TULP3: variants seen among roughly 807,000 people sequenced by gnomAD.
The protein encoded by TULP3 is tubby-related protein 3.
Under a neutral mutation model 50.7 loss-of-function variants are expected in TULP3, and 38 were observed. That is an observed-to-expected ratio of 0.75 (90% CI 0.58 to 0.98). The LOEUF (loss-of-function observed/expected upper bound fraction) is 0.98, where lower values mean the gene tolerates loss of function less well. Ranked by LOEUF, TULP3 falls within the 50% of genes least tolerant of loss-of-function variation. The pLI is 0.00. For missense variants in TULP3, 550 were observed against 568.0 expected (o/e 0.97, Z 0.32); for synonymous variants, 183 against 196.6 (o/e 0.93, Z 0.58).
At chr12:2,892,320 G>A (rs1190159226) in intron 1 of TULP3, among the ~76,000 whole-genome samples, 1 of 152,054 alleles carries the variant, frequency 6.6e-6, no homozygotes, top group Non-Finnish European at 1.5e-5. Context: ...AGTGGTAGAG[G>A]AGATAAAGTT....
chr12:2,940,635 A>G lies in TULP3; in HGVS notation c.*1191A>G. 1 of 1,551,680 alleles carries G rather than the reference A, an allele frequency of 6.4e-7. No individual in the cohort carries two copies. The highest frequency in any genetic ancestry group is 1.2e-5 in the South Asian group (1 of 84,056). On this transcript the variant is annotated 3_prime_UTR_variant, in exon 11 of 11. Transcript: ENST00000448120. ...ACTGTTTGCCAGCGTTGGGTGGGACACCCGTGGCGGCTGCTCCCTCAGACC... is the reference window on the plus strand; with the variant it reads ...ACTGTTTGCCAGCGTTGGGTGGGACGCCCGTGGCGGCTGCTCCCTCAGACC...
chr12:2,899,431 G>A (rs898948470), intron 1 of TULP3, among the ~76,000 whole-genome samples: 44 of 151,118 alleles, frequency 2.9e-4, no homozygotes, highest in African/African-American at 9.0e-4. Context: ...TGGCCCACAC[G>A]CTATAGTTTG....
At chr12:2,926,639 C>T (rs1382497538) in intron 4 of TULP3, among the ~76,000 whole-genome samples, 23 of 152,074 alleles carry the variant, frequency 1.5e-4, no homozygotes, top group African/African-American at 5.1e-4. Context: ...TGGTGGCTCA[C>T]GCCGGTAATT....
chr12:2,907,795 T>TA (rs929436380), intron 1 of TULP3, among the ~76,000 whole-genome samples: 12 of 152,086 alleles, frequency 7.9e-5, no homozygotes, highest in East Asian at 7.7e-4. Context: ...TGACTGCAGA[T>TA]AAAAAACATT....
chr12:2,928,748 G>C (rs1002530141), intron 4 of TULP3, among the ~76,000 whole-genome samples: 1 of 151,918 alleles, frequency 6.6e-6, no homozygotes, highest in African/African-American at 2.4e-5. Context: ...TTTGAGACCA[G>C]CCTGACCAAC....
chr12:2,922,269 T>C lies in TULP3; in HGVS notation c.261T>C (p.Asp87=), dbSNP rs144270951. The part of the protein sequence containing the change: ...PHSNVILHGI[D]GPAAVLKPDE... ...TTTTATTTTGGCCCTTAGGTATTGA[T>C]GGTCCAGCTGCTGTCCTGAAACCAG... Residue 87 remains aspartate, a synonymous_variant, in exon 4 of 11, where the codon GAT becomes GAC. Coordinates refer to ENST00000448120, the MANE Select transcript of TULP3 (RefSeq NM_003324.5). 6.2e-6 allele frequency: 10 copies of C among 1,611,312 alleles called. No homozygotes were observed. Among genetic ancestry groups the C allele is most frequent in the Middle Eastern group, 1.6e-4 (1 of 6,072 alleles).
chr12:2,893,817 A>T (rs7294657), intron 1 of TULP3, among the ~76,000 whole-genome samples: 70,163 of 147,920 alleles, frequency 0.47, 16,923 homozygotes, highest in African/African-American at 0.59. Flanking sequence ...TTTAATTTTT[A>T]TTTTTTTGTA....
Position 2,939,920 on chromosome 12 carries a change from T to G in TULP3, c.*476T>G. The G allele has an allele frequency of 7.9e-7, 1 of 1,263,840 alleles. No individual in the cohort carries two copies. The highest frequency in any genetic ancestry group is 1.0e-6 in the Non-Finnish European group (1 of 970,790). 78.3% of individuals were successfully genotyped at this position (1,263,840 alleles called of 1,614,324 possible). A position where few individuals can be genotyped will look rare whatever the true frequency, so the allele number is the denominator to read the frequency against. ...AAAGCACAGGGAGATTCTTGTCACA[T>G]TGGGGTCTCCAAAGCTAGAATGGGA... On this transcript the variant is annotated 3_prime_UTR_variant, in exon 11 of 11. Transcript: ENST00000448120. The surrounding 1 kb of genome is among the most constrained non-coding windows in gnomAD (Gnocchi z 4.0).
At chr12:2,928,562 A>T (rs2098195993) in intron 4 of TULP3, among the ~76,000 whole-genome samples, 1 of 151,918 alleles carries the variant, frequency 6.6e-6, no homozygotes, top group African/African-American at 2.4e-5. Flanking sequence ...TAAAAAGAAA[A>T]TGCTGAGGGG....
At chr12:2,918,144 C>T (rs909256075) in intron 2 of TULP3, among the ~76,000 whole-genome samples, 1 of 152,098 alleles carries the variant, frequency 6.6e-6, no homozygotes, top group East Asian at 1.9e-4. Flanking sequence ...GAGACAGTCT[C>T]GCTCTGTCGC....
rs190645764 is a variant in TULP3, at chr12:2,914,344, G to C, written c.93+4764G>C. Among the ~76,000 whole-genome samples the C allele has an allele frequency of 5.2e-3, 788 of 151,674 alleles. 5 individuals carry two copies. The highest frequency in any genetic ancestry group is 0.018 in the African/African-American group (731 of 41,342). ...TCTCCATGTTGGTTAGGCTGGTCTCGAACTCCCGACCTCAGGTGATCTGCT... is the reference window on the plus strand; with the variant it reads ...TCTCCATGTTGGTTAGGCTGGTCTCCAACTCCCGACCTCAGGTGATCTGCT... On this transcript the variant is annotated intron_variant, in intron 2 of 10. Coordinates refer to ENST00000448120, the MANE Select transcript of TULP3 (RefSeq NM_003324.5).
chr12:2,933,659 A>G, intron 7 of TULP3, 129 bp downstream of exon 7: 2 of 478,216 alleles, frequency 4.2e-6, no homozygotes, highest in South Asian at 4.0e-5. Flanking sequence ...AGAAAAAGGA[A>G]AAAAAAAAAA....
intron 6 of TULP3, among the ~76,000 whole-genome samples, 180 bp downstream of exon 6, chr12:2,931,420 G>A (rs1343560716): frequency 2.6e-5 from 4 of 152,234 alleles, no homozygotes. Flanking sequence ...TGGTCTAATA[G>A]GCAGCAAGCT....
Position 2,920,428 on chromosome 12 carries a change from G to C in TULP3, c.94-335G>C, listed in dbSNP as rs149463760. ...GGAGGCTGAGGCAGAAGGATTGGGC[G>C]TGCCTTGGAGGTCAAGGCTGCAGTG... On this transcript the variant is annotated intron_variant, in intron 2 of 10. Coordinates refer to ENST00000448120, the MANE Select transcript of TULP3 (RefSeq NM_003324.5). Among the ~76,000 whole-genome samples, 3 of 151,920 alleles carry C rather than the reference G, an allele frequency of 2.0e-5. No homozygotes were observed. In the East Asian group the frequency reaches 5.8e-4, roughly 29 times the overall value.
At chr12:2,896,611 G>T (rs562230431) in intron 1 of TULP3, among the ~76,000 whole-genome samples, 1 of 152,094 alleles carries the variant, frequency 6.6e-6, no homozygotes, top group African/African-American at 2.4e-5. Flanking sequence ...AGAAAATAAG[G>T]CTGTAACAAA....
chr12:2,934,395 G>T, intron 7 of TULP3, 52 bp from the exon 8 acceptor site: 1 of 1,251,040 alleles, frequency 8.0e-7, no homozygotes, highest in South Asian at 1.7e-5. Context: ...GATTGTGTTT[G>T]TATAAGAAAA....
chr12:2,927,100 G>T (rs2153949956), intron 4 of TULP3, among the ~76,000 whole-genome samples: 1 of 151,810 alleles, frequency 6.6e-6, no homozygotes, highest in South Asian at 2.1e-4. Flanking sequence ...GCCTGTTCTG[G>T]ACATTTCATA....
intron 1 of TULP3, among the ~76,000 whole-genome samples, chr12:2,898,198 A>G (rs191762718): frequency 6.0e-4 from 91 of 152,172 alleles, no homozygotes; most frequent in Middle Eastern, 6.8e-3. Context: ...CTCACTTTGT[A>G]AATTAGGAAA....
At chr12:2,902,358 A>G (rs1425004607) in intron 1 of TULP3, among the ~76,000 whole-genome samples, 2 of 152,212 alleles carry the variant, frequency 1.3e-5, no homozygotes, top group African/African-American at 4.8e-5. Context: ...CGGGCTGCTC[A>G]CAGGCTTTAT....
Sources: gnomAD v4.1 joint callset for allele counts (sites outside exome capture counted in the v4.1 genomes callset) on GRCh38, gnomAD v4.1.1 for gene constraint, Gnocchi (gnomAD v3.1) non-coding constraint, MANE v1.5 for transcripts, NCBI Gene and HGNC (gene_info 2026-07-23, HGNC 2026-07-21) for gene names.